LYG2: variants seen among roughly 807,000 people sequenced by gnomAD.
The protein encoded by LYG2 is lysozyme g-like protein 2.
Under a neutral mutation model 22.4 loss-of-function variants are expected in LYG2, and 25 were observed. That is an observed-to-expected ratio of 1.12 (90% CI 0.81 to 1.56). LYG2 has a LOEUF of 1.56. Ranked by LOEUF, LYG2 falls within the 40% of genes most tolerant of loss-of-function variation. The pLI, the probability that LYG2 is intolerant of heterozygous loss-of-function variation, is 0.00. For synonymous variants in LYG2, 88 were observed against 97.0 expected (o/e 0.91, Z 0.55); for missense variants, 266 against 269.5 (o/e 0.99, Z 0.09).
chr2:99,243,540 A>AG (rs397949807), intron 6 of LYG2: 18 of 1,460,842 alleles, frequency 1.2e-5, no homozygotes, highest in Non-Finnish European at 1.5e-5. Context: ...ATAGATAGAT[A>AG]AATTTTTTTT....
intron 6 of LYG2, chr2:99,243,677 G>A (rs1358800046): frequency 2.0e-6 from 1 of 496,212 alleles, no homozygotes; most frequent in Non-Finnish European, 3.4e-6. Flanking sequence ...CTGGGACTGT[G>A]TGTCACCATG....
intron 3 of LYG2, among the ~76,000 whole-genome samples, chr2:99,250,555 T>C (rs1395807465): frequency 6.6e-6 from 1 of 152,132 alleles, no homozygotes. Context: ...TTTGTATTTT[T>C]AGTAGAGGCG....
upstream of LYG2, among the ~76,000 whole-genome samples, chr2:99,259,236 A>G (rs2094042848): frequency 6.6e-6 from 1 of 152,204 alleles, no homozygotes; most frequent in Admixed American, 6.5e-5. Flanking sequence ...ATGTCTCCCA[A>G]AAGACTTGTA....
upstream of LYG2, among the ~76,000 whole-genome samples, chr2:99,258,242 A>G (rs932184778): frequency 6.6e-6 from 1 of 152,244 alleles, no homozygotes; most frequent in African/African-American, 2.4e-5. Flanking sequence ...CCTCATCTGT[A>G]AAATGGAGAT....
chr2:99,250,503 C>T (rs776854711), intron 3 of LYG2, among the ~76,000 whole-genome samples: 4 of 151,796 alleles, frequency 2.6e-5, no homozygotes, highest in Admixed American at 6.6e-5. Flanking sequence ...GCCTCCCCAG[C>T]AGCTGGGACT....
intron 6 of LYG2, chr2:99,243,750 A>G (rs868742918): frequency 7.1e-6 from 3 of 422,680 alleles, no homozygotes; most frequent in East Asian, 4.1e-5. Context: ...GTTTCAAGGT[A>G]TCACTCAATA....
rs2094013955 is a variant in LYG2 at position 99,245,340 on chromosome 2, G to C, written c.303C>G (p.Ile101Met). ...HCVDPAVIAA[I>M]ISRESHGGSV... is the part of the protein sequence containing the mutation. ...ATCCGCCATGGCTTTCCCTGGAGATGATGGCTGCGATGACAGCAGGGTCCA... is the reference window on the plus strand; with the variant it reads ...ATCCGCCATGGCTTTCCCTGGAGATCATGGCTGCGATGACAGCAGGGTCCA... Residue 101 changes from isoleucine (I) to methionine (M), a missense_variant, in exon 5 of 7, where the codon ATC becomes ATG. Transcript: ENST00000333017. 4.3e-6 allele frequency: 7 copies of C among 1,613,072 alleles called. No individual in the cohort carries two copies. The South Asian group carries it at 7.7e-5, about 18-fold the overall frequency.
chr2:99,261,458 C>T, the LYG2 span, among the ~76,000 whole-genome samples: 3 of 152,210 alleles, frequency 2.0e-5, no homozygotes, highest in African/African-American at 2.4e-5. Flanking sequence ...CTCACTCCCT[C>T]GTGCCTGCTT....
At chr2:99,242,879 C>G (rs866328853) in intron 6 of LYG2, among the ~76,000 whole-genome samples, 1 of 152,270 alleles carries the variant, frequency 6.6e-6, no homozygotes, top group Middle Eastern at 3.4e-3. Flanking sequence ...TACTATGTGC[C>G]AGGAGAGGTG....
At chr2:99,244,251 G>C (rs2094011937) in intron 5 of LYG2, 114 bp from the exon 6 acceptor site, 1 of 1,014,240 alleles carries the variant, frequency 9.9e-7, no homozygotes. Flanking sequence ...TATCCCCAAA[G>C]AGTCAATTCT....
chr2:99,252,342 C>T (rs961873443), intron 3 of LYG2, among the ~76,000 whole-genome samples: 42 of 149,322 alleles, frequency 2.8e-4, no homozygotes, highest in Admixed American at 2.8e-3. Context: ...TGTGAGCCAC[C>T]GTGCCCAGCC....
chr2:99,246,830 AGAAGTGTAACTCACAT>A lies in LYG2; in HGVS notation c.44-26_44-11del. ...GAGCCCCTGGAAGTGCCTAGGAGGC[AGAAGTGTAACTCACAT>A]GAATCCTCTGAGAAGATATTACTTG... is the stretch of plus-strand genomic sequence containing the variant. On this transcript the variant is annotated splice_polypyrimidine_tract_variant and intron_variant, in intron 3 of 6. Transcript: ENST00000333017. The A allele has an allele frequency of 6.2e-7, 1 of 1,608,002 alleles. No individual in the cohort carries two copies.
upstream of LYG2, among the ~76,000 whole-genome samples, chr2:99,259,485 C>T (rs1014763137): frequency 6.6e-6 from 1 of 151,974 alleles, no homozygotes; most frequent in Admixed American, 6.6e-5. Context: ...GATCATTCAA[C>T]CATGTCTAGG....
At chr2:99,248,416 C>G (rs1183618541) in intron 3 of LYG2, among the ~76,000 whole-genome samples, 23 of 151,510 alleles carry the variant, frequency 1.5e-4, no homozygotes, top group African/African-American at 4.8e-4. Context: ...AAAATGATGA[C>G]TTCATGTCCT....
intron 3 of LYG2, among the ~76,000 whole-genome samples, chr2:99,250,288 C>A (rs2094023747): frequency 6.6e-6 from 1 of 151,980 alleles, no homozygotes; most frequent in Non-Finnish European, 1.5e-5. Flanking sequence ...AGAAAATAGT[C>A]CTTAAACATA....
At position 99,245,443 on chromosome 2, in the gene LYG2, T is replaced by G; in HGVS notation, c.200A>C (p.Glu67Ala). The G allele has an allele frequency of 6.2e-7, 1 of 1,606,486 alleles. No individual in the cohort carries two copies. The highest frequency in any genetic ancestry group is 1.1e-5 in the South Asian group (1 of 89,974). ...SVMNCGIRGSEMFAEMDLRAI... is the reference protein window; with the variant it reads ...SVMNCGIRGSAMFAEMDLRAI... ...CCTCAAATCCATCTCAGCAAACATTTCAGAACCACGGATCCCTACGTCAAT... is the reference window on the plus strand; with the variant it reads ...CCTCAAATCCATCTCAGCAAACATTGCAGAACCACGGATCCCTACGTCAAT... The change falls in exon 5 of 7, where the codon GAA (glutamate) becomes GCA (alanine). Residue 67 changes from glutamate to alanine, a missense_variant. Glu to Ala is a moderately radical substitution (Grantham distance 107). Coordinates refer to ENST00000333017, the MANE Select transcript of LYG2 (RefSeq NM_175735.4).
chr2:99,243,426 C>A, intron 6 of LYG2: 1 of 1,549,620 alleles, frequency 6.5e-7, no homozygotes, highest in South Asian at 1.2e-5. Flanking sequence ...TAACATTGTT[C>A]AGACAATTTG....
upstream of LYG2, among the ~76,000 whole-genome samples, chr2:99,256,652 G>C (rs1363281296): frequency 6.6e-6 from 1 of 152,222 alleles, no homozygotes; most frequent in Non-Finnish European, 1.5e-5. Context: ...ACTGGAAGAA[G>C]ACATTGTTAA....
intron 3 of LYG2, 59 bp from the exon 4 acceptor site, chr2:99,246,879 G>T: frequency 1.3e-6 from 2 of 1,536,104 alleles, no homozygotes; most frequent in Non-Finnish European, 1.8e-6. Flanking sequence ...TTGGGTTGCT[G>T]CAATAAACAT....
Sources: gnomAD v4.1 joint callset for allele counts (sites outside exome capture counted in the v4.1 genomes callset) on GRCh38, gnomAD v4.1.1 for gene constraint, MANE v1.5 for transcripts, NCBI Gene and HGNC (gene_info 2026-07-23, HGNC 2026-07-21) for gene names.